Variants in MACROD2 observed in about 807,000 individuals in gnomAD.
MACROD2 encodes mono-ADP ribosylhydrolase 2, also known as ADP-ribose glycohydrolase MACROD2.
A neutral mutation model predicts 70.4 loss-of-function variants in MACROD2; 36 were observed. The observed-to-expected ratio is 0.51, with a 90% CI of 0.39 to 0.68. The LOEUF (loss-of-function observed/expected upper bound fraction) is 0.68. MACROD2 is among the 30% of genes least tolerant of loss of function. The pLI, the probability that MACROD2 is intolerant of heterozygous loss-of-function variation, is 0.00. For synonymous variants in MACROD2, 172 were observed against 178.8 expected (o/e 0.96, Z 0.30); for missense variants, 496 against 538.4 (o/e 0.92, Z 0.78).
intron 3 of MACROD2, among the ~76,000 whole-genome samples, chr20:14,419,099 G>T (rs1425767863): frequency 6.6e-6 from 1 of 151,988 alleles, no homozygotes; most frequent in Non-Finnish European, 1.5e-5. Flanking sequence ...TTGTTGCCCA[G>T]GCTGGAGTGC....
At chr20:14,332,490 A>G (rs1019638380) in intron 3 of MACROD2, among the ~76,000 whole-genome samples, 3 of 152,284 alleles carry the variant, frequency 2.0e-5, no homozygotes, top group Non-Finnish European at 2.9e-5. Context: ...ATGAAGCTGT[A>G]TAATAGTAGT....
At position 15,905,367 on chromosome 20, in the gene MACROD2, T is replaced by C. The variant is rs2065131730; in HGVS notation, c.775+19556T>C. ...ATCAGGGCATAGACAGTGGATCTTT[T>C]TATAGTAACTTTAAAGGTACCTTTC... On this transcript the variant is annotated intron_variant, in intron 10 of 17. Transcript: ENST00000684519. 2.0e-5 allele frequency among the ~76,000 whole-genome samples: 3 copies of C among 152,330 alleles called. No individual in the cohort carries two copies. In the South Asian group the frequency reaches 6.2e-4, roughly 32 times the overall value.
chr20:14,210,396 G>A (rs762423555), intron 3 of MACROD2, among the ~76,000 whole-genome samples: 3 of 152,172 alleles, frequency 2.0e-5, no homozygotes, highest in Non-Finnish European at 4.4e-5. Context: ...TTGGAGGCTG[G>A]ATGCCTTATT....
intron 5 of MACROD2, among the ~76,000 whole-genome samples, chr20:15,122,013 A>C (rs576715962): frequency 2.6e-5 from 4 of 152,254 alleles, no homozygotes; most frequent in African/African-American, 7.2e-5. Context: ...ATTTAAATAC[A>C]CTATTATTTG....
chr20:14,295,867 A>G (rs1427530089), intron 3 of MACROD2, among the ~76,000 whole-genome samples: 2 of 151,834 alleles, frequency 1.3e-5, no homozygotes, highest in Admixed American at 6.6e-5. Context: ...TTAGCTTTCA[A>G]TATTCAAGAA....
intron 6 of MACROD2, among the ~76,000 whole-genome samples, chr20:15,416,421 C>T (rs1189657843): frequency 6.6e-6 from 1 of 152,120 alleles, no homozygotes; most frequent in Non-Finnish European, 1.5e-5. Context: ...TCCTTTGTGA[C>T]TAAGGAAAGA....
chr20:14,293,914 A>G lies in MACROD2; in HGVS notation c.272-199565A>G, dbSNP rs566224053. On this transcript the variant is annotated intron_variant, in intron 3 of 17. Coordinates refer to ENST00000684519, the MANE Select transcript of MACROD2 (RefSeq NM_001351661.2). Reference sequence around the variant, plus strand: ...AATATAGACATAAATTTAACATTACACCTTTTCCAGCAGCATTGCATTATT... The same window carrying G: ...AATATAGACATAAATTTAACATTACGCCTTTTCCAGCAGCATTGCATTATT... Among the ~76,000 whole-genome samples the G allele has an allele frequency of 2.0e-5, 3 of 151,946 alleles. No individual in the cohort carries two copies. The South Asian group carries it at 6.2e-4, about 32-fold the overall frequency.
At chr20:15,047,366 C>T (rs2075403087) in intron 5 of MACROD2, among the ~76,000 whole-genome samples, 1 of 151,986 alleles carries the variant, frequency 6.6e-6, no homozygotes, top group Admixed American at 6.6e-5. Context: ...CTCCTACCTA[C>T]TGAAGGACAA....
chr20:14,261,072 T>C (rs1051593460), intron 3 of MACROD2, among the ~76,000 whole-genome samples: 3 of 152,210 alleles, frequency 2.0e-5, no homozygotes, highest in African/African-American at 7.2e-5. Flanking sequence ...ATGTACTTGA[T>C]GTTAAAAGAA....
intron 3 of MACROD2, among the ~76,000 whole-genome samples, chr20:14,176,442 T>G (rs562028776): frequency 6.6e-6 from 1 of 152,128 alleles, no homozygotes; most frequent in African/African-American, 2.4e-5. Flanking sequence ...CTCTCTGGAG[T>G]TGCTAAAATG....
chr20:15,283,485 C>A (rs1211042681), intron 6 of MACROD2, among the ~76,000 whole-genome samples: 1 of 151,968 alleles, frequency 6.6e-6, no homozygotes, highest in Non-Finnish European at 1.5e-5. Flanking sequence ...CCAGCCTGGC[C>A]AACATGGTGA....
At chr20:14,743,723 T>G (rs565235938) in intron 5 of MACROD2, among the ~76,000 whole-genome samples, 1 of 152,216 alleles carries the variant, frequency 6.6e-6, no homozygotes, top group Admixed American at 6.5e-5. Flanking sequence ...TCCTTCCATA[T>G]ATGTCCATAT....
At chr20:15,931,626 C>T (rs1295376658) in intron 10 of MACROD2, among the ~76,000 whole-genome samples, 1 of 151,536 alleles carries the variant, frequency 6.6e-6, no homozygotes, top group Non-Finnish European at 1.5e-5. Context: ...CTGGACAACA[C>T]AGCAAGGCTC....
At chr20:14,442,387 G>T (rs2084133767) in intron 3 of MACROD2, among the ~76,000 whole-genome samples, 1 of 151,950 alleles carries the variant, frequency 6.6e-6, no homozygotes, top group Non-Finnish European at 1.5e-5. Context: ...TTGTATTTTG[G>T]TCAATTTTAC....
chr20:15,565,595 A>G (rs947509188), intron 8 of MACROD2, among the ~76,000 whole-genome samples: 1 of 152,190 alleles, frequency 6.6e-6, no homozygotes, highest in African/African-American at 2.4e-5. Flanking sequence ...GCAACAAGTC[A>G]TGGGTACAGT....
intron 2 of MACROD2, among the ~76,000 whole-genome samples, chr20:14,005,637 T>G (rs2052805169): frequency 6.6e-6 from 1 of 152,026 alleles, no homozygotes. Flanking sequence ...CTCACTTACT[T>G]TGTGCCCCGG....
intron 2 of MACROD2, among the ~76,000 whole-genome samples, chr20:14,048,806 G>T (rs1393576950): frequency 1.3e-5 from 2 of 152,110 alleles, no homozygotes; most frequent in Non-Finnish European, 2.9e-5. Flanking sequence ...TAAATACAAA[G>T]AATTACTAAT....
intron 3 of MACROD2, among the ~76,000 whole-genome samples, chr20:14,243,755 C>A (rs574124608): frequency 2.0e-5 from 3 of 152,198 alleles, no homozygotes; most frequent in Non-Finnish European, 4.4e-5. Flanking sequence ...TAGAAAGTGG[C>A]AAGACATATT....
At chr20:14,981,950 A>C (rs2074804969) in intron 5 of MACROD2, among the ~76,000 whole-genome samples, 1 of 152,178 alleles carries the variant, frequency 6.6e-6, no homozygotes, top group Non-Finnish European at 1.5e-5. Flanking sequence ...TCATAAGAAG[A>C]CAGGGAAATG....
Sources: allele counts gnomAD v4.1 joint callset (sites outside exome capture counted in the v4.1 genomes callset), GRCh38; gene constraint gnomAD v4.1.1; transcripts MANE v1.5; gene names NCBI Gene and HGNC (gene_info 2026-07-23, HGNC 2026-07-21).